The following PDSS1 variants were observed in gnomAD, a reference collection of about 807,000 sequenced individuals.
PDSS1 encodes the protein decaprenyl diphosphate synthase subunit 1.
PDSS1 carries 43 observed loss-of-function variants against 57.5 expected under a neutral mutation model. That is an observed-to-expected ratio of 0.75 (90% CI 0.59 to 0.96). The LOEUF (loss-of-function observed/expected upper bound fraction) is 0.96, where lower values mean the gene tolerates loss of function less well. Among genes scored for constraint, PDSS1 ranks in the 50% least tolerant of loss-of-function variants. The pLI, the probability that PDSS1 is intolerant of heterozygous loss-of-function variation, is 0.00. For synonymous variants in PDSS1, 175 were observed against 191.3 expected, an observed-to-expected ratio of 0.91 and a Z score of 0.70; for missense variants, 438 against 527.8, an observed-to-expected ratio of 0.83 and a Z score of 1.67.
intron 5 of PDSS1, among the ~76,000 whole-genome samples, chr10:26,716,861 C>A (rs1408401660): frequency 1.3e-5 from 2 of 152,122 alleles, no homozygotes; most frequent in Non-Finnish European, 2.9e-5. Context: ...TCTCCCAGAT[C>A]CTGGGAAAAT....
intron 8 of PDSS1, among the ~76,000 whole-genome samples, chr10:26,732,841 C>T (rs1025986378): frequency 2.0e-5 from 3 of 152,182 alleles, no homozygotes; most frequent in Non-Finnish European, 2.9e-5. Context: ...GATTTTTAGG[C>T]CGGGCACGGT....
chr10:26,707,581 G>T (rs2132225773), intron 4 of PDSS1, among the ~76,000 whole-genome samples: 1 of 152,166 alleles, frequency 6.6e-6, no homozygotes, highest in Non-Finnish European at 1.5e-5. Context: ...TCTGCACTTT[G>T]TTCCCCCTCC....
Position 26,742,579 on chromosome 10 carries a change from T to C in PDSS1, c.1107+2T>C, listed in dbSNP as rs1423398223. 2 of 1,588,176 alleles carry C rather than the reference T, an allele frequency of 1.3e-6. No homozygotes were observed. Among genetic ancestry groups the C allele is most frequent in the African/African-American group, 2.7e-5 (2 of 74,432 alleles). On this transcript the variant is annotated splice_donor_variant, in intron 11 of 11. Transcript: ENST00000376215. LOFTEE classifies it high-confidence loss of function. ...AGAGCTCGACAGTATGTACTACAGG[T>C]AAGACTGTTTTTTTAAAAAAAAGGC...
At chr10:26,735,431 C>T (rs776432380) in intron 9 of PDSS1, 35 bp from the exon 10 acceptor site, 14 of 1,435,916 alleles carry the variant, frequency 9.7e-6, no homozygotes, top group South Asian at 4.6e-5. Flanking sequence ...GTTGGCATGG[C>T]GGTGCTCCTT....
intron 8 of PDSS1, among the ~76,000 whole-genome samples, chr10:26,732,886 T>G (rs1320409172): frequency 1.3e-5 from 2 of 152,096 alleles, no homozygotes; most frequent in Non-Finnish European, 2.9e-5. Context: ...TTTGGGAGGC[T>G]GAGGCAGGCG....
At chr10:26,731,937 G>A (rs57023176) in intron 8 of PDSS1, among the ~76,000 whole-genome samples, 6,330 of 152,274 alleles carry the variant, frequency 0.042, 326 homozygotes, top group African/African-American at 0.11. Flanking sequence ...GATTACAGGC[G>A]TGAGCCACTG....
chr10:26,706,707 C>T (rs2132222758), intron 4 of PDSS1, among the ~76,000 whole-genome samples: 1 of 152,298 alleles, frequency 6.6e-6, no homozygotes, highest in South Asian at 2.1e-4. Flanking sequence ...TTCATGTTCC[C>T]TCCACTATTG....
chr10:26,712,292 C>T (rs1375210992), intron 5 of PDSS1, among the ~76,000 whole-genome samples: 4 of 99,750 alleles, frequency 4.0e-5, no homozygotes, highest in African/African-American at 9.7e-5. Flanking sequence ...TGAGCCACCG[C>T]GCCCAGCCAA....
intron 6 of PDSS1, among the ~76,000 whole-genome samples, chr10:26,721,298 C>CAA (rs60684682): frequency 9.6e-4 from 126 of 131,594 alleles, no homozygotes; most frequent in African/African-American, 3.5e-3. Context: ...GACTCCATTT[C>CAA]AAAAAAAAAA....
At chr10:26,740,393 A>G (rs1836550600) in intron 10 of PDSS1, among the ~76,000 whole-genome samples, 1 of 152,184 alleles carries the variant, frequency 6.6e-6, no homozygotes, top group Admixed American at 6.5e-5. Context: ...TTTTCTTCTT[A>G]AAAGACCCAG....
chr10:26,746,396 A>ACAC lies in PDSS1; in HGVS notation c.1171_1172insCAC (p.Ile391delinsThrLeu). 1 of 1,614,056 alleles carries ACAC rather than the reference A, an allele frequency of 6.2e-7. No homozygotes were observed. Among genetic ancestry groups the ACAC allele is most frequent in the South Asian group, 1.1e-5 (1 of 91,074 alleles). ...GTACTGCCATGAAGCAATAAGAGAG[A>ACAC]TCAGTAAACTTCGACCATCCCCAGA... On this transcript the variant is annotated protein_altering_variant, in exon 12 of 12. Coordinates refer to ENST00000376215, the MANE Select transcript of PDSS1 (RefSeq NM_014317.5).
chr10:26,725,466 G>T (rs557440665), intron 8 of PDSS1, among the ~76,000 whole-genome samples: 1 of 151,862 alleles, frequency 6.6e-6, no homozygotes, highest in South Asian at 2.1e-4. Context: ...GACCACTTTT[G>T]TCTTTTTATT....
At chr10:26,739,104 A>T (rs1836499742) in intron 10 of PDSS1, among the ~76,000 whole-genome samples, 2 of 152,174 alleles carry the variant, frequency 1.3e-5, no homozygotes, top group Non-Finnish European at 2.9e-5. Context: ...CGTCAGTTGT[A>T]GCCACGTTTC....
chr10:26,705,357 G>T lies in PDSS1; in HGVS notation c.299G>T (p.Trp100Leu), dbSNP rs1374752915. 6.2e-7 allele frequency: 1 copy of T among 1,609,454 alleles called. No homozygotes were observed. The highest frequency in any genetic ancestry group is 1.1e-5 in the South Asian group (1 of 90,962). Residue 100 changes from tryptophan to leucine, a missense_variant, in exon 4 of 12, where the codon TGG (tryptophan) becomes TTG (leucine). Transcript: ENST00000376215. The stretch of plus-strand genomic sequence containing the variant: ...TACACCGATCCTTTCAAACTCGGTT[G>T]GAGAGACTTGAAAGGTCTGTATGAG... Reference protein sequence around the residue: ...EKYTDPFKLGWRDLKGLYEDI... With the variant: ...EKYTDPFKLGLRDLKGLYEDI...
At chr10:26,703,118 A>G (rs993123886) in intron 2 of PDSS1, among the ~76,000 whole-genome samples, 1 of 152,210 alleles carries the variant, frequency 6.6e-6, no homozygotes, top group Non-Finnish European at 1.5e-5. Context: ...ACCTCTCTCC[A>G]TGAGTAGGTA....
chr10:26,735,301 A>T lies in PDSS1; in HGVS notation c.893A>T (p.Asn298Ile). 1 of 1,611,870 alleles carries T rather than the reference A, an allele frequency of 6.2e-7. No homozygotes were observed. The highest frequency in any genetic ancestry group is 8.5e-7 in the Non-Finnish European group (1 of 1,177,908). ...GAGATCGCCTATCAGTACGGAAAAA[A>T]TGTAGGAATAGCTTTTCAGGTTAGT... ...VHEIAYQYGK[N>I]VGIAFQLIDD... The change falls in exon 9 of 12, where the codon AAT becomes ATT. Residue 298 changes from asparagine to isoleucine, a missense_variant. By Grantham distance (149) the Asn-to-Ile change is moderately radical. Around this residue, in one of 2 missense-constraint regions of PDSS1, gnomAD observed 284 missense variants for 390.7 expected, o/e 0.73. Transcript: ENST00000376215.
chr10:26,718,386 C>T (rs895851267), intron 5 of PDSS1, among the ~76,000 whole-genome samples: 2 of 152,102 alleles, frequency 1.3e-5, no homozygotes, highest in Non-Finnish European at 2.9e-5. Context: ...TCCCTACCCT[C>T]CACTGCTTTT....
rs1482484479 is a variant in PDSS1 at position 26,697,767 on chromosome 10, G to A, written c.56G>A (p.Arg19Gln). Residue 19 changes from arginine (R) to glutamine (Q), a missense_variant, in exon 1 of 12, where the codon CGG (arginine) becomes CAG (glutamine). Around this residue, in one of 2 missense-constraint regions of PDSS1, gnomAD observed 154 missense variants for 137.0 expected, o/e 1.12. Coordinates refer to ENST00000376215, the MANE Select transcript of PDSS1 (RefSeq NM_014317.5). ...RRGCSWKPAA[R>Q]SPGPGSPGRA... ...GGCTGCTCCTGGAAGCCGGCGGCGCGGAGCCCCGGGCCCGGCTCCCCCGGC... is the reference window on the plus strand; with the variant it reads ...GGCTGCTCCTGGAAGCCGGCGGCGCAGAGCCCCGGGCCCGGCTCCCCCGGC... 7 of 1,291,466 alleles carry A rather than the reference G, an allele frequency of 5.4e-6. 1 individual carries two copies. The highest frequency in any genetic ancestry group is 6.8e-6 in the Non-Finnish European group (7 of 1,025,236). 80.0% of individuals were successfully genotyped at this position (1,291,466 alleles called of 1,614,324 possible). A position where few individuals can be genotyped will look rare whatever the true frequency, so the allele number is the denominator to read the frequency against.
intron 8 of PDSS1, chr10:26,734,834 G>A (rs1836335848): frequency 2.2e-6 from 1 of 447,760 alleles, no homozygotes; most frequent in East Asian, 6.9e-5. Context: ...GATGATTAAA[G>A]CCAACAGTAA....
Sources: gnomAD v4.1 joint callset for allele counts (sites outside exome capture counted in the v4.1 genomes callset) on GRCh38, gnomAD v4.1.1 for gene constraint, gnomAD v4.1.1 regional missense constraint, MANE v1.5 for transcripts, NCBI Gene and HGNC (gene_info 2026-07-23, HGNC 2026-07-21) for gene names.